Variants in NTM observed in about 807,000 individuals in gnomAD.
NTM encodes neurotrimin.
Under a neutral mutation model 42.1 loss-of-function variants are expected in NTM, and 13 were observed. The ratio of observed to expected loss-of-function variants is 0.31; its 90% CI spans 0.20 to 0.49. NTM has a LOEUF of 0.49. Ranked by LOEUF, NTM falls within the 20% of genes least tolerant of loss-of-function variation. NTM has a pLI of 0.99. For synonymous variants in NTM, 187 were observed against 179.2 expected (o/e 1.04, Z -0.35); for missense variants, 373 against 452.8 (o/e 0.82, Z 1.60).
intron 2 of NTM, among the ~76,000 whole-genome samples, chr11:131,927,564 T>C (rs545570696): frequency 6.6e-6 from 1 of 152,244 alleles, no homozygotes; most frequent in South Asian, 2.1e-4. Context: ...GGAAGCCACA[T>C]GCACTTGACT....
intron 1 of NTM, among the ~76,000 whole-genome samples, chr11:131,503,478 G>T (rs1338956513): frequency 6.6e-6 from 1 of 152,102 alleles, no homozygotes; most frequent in Non-Finnish European, 1.5e-5. Flanking sequence ...CAGGAAAACG[G>T]ACTGGGATCA....
At chr11:131,407,348 C>T (rs1283275903) in intron 1 of NTM, among the ~76,000 whole-genome samples, 1 of 152,198 alleles carries the variant, frequency 6.6e-6, no homozygotes, top group Non-Finnish European at 1.5e-5. Flanking sequence ...TGGCACTGTC[C>T]TTTGCTTGTC....
chr11:131,563,695 C>T (rs1395290579), intron 1 of NTM, among the ~76,000 whole-genome samples: 1 of 151,132 alleles, frequency 6.6e-6, no homozygotes, highest in Non-Finnish European at 1.5e-5. Context: ...GGCACCCTCT[C>T]TCTTAAAAGT....
intron 3 of NTM, among the ~76,000 whole-genome samples, chr11:132,208,544 G>A (rs2082336495): frequency 6.6e-6 from 1 of 152,180 alleles, no homozygotes; most frequent in Non-Finnish European, 1.5e-5. Flanking sequence ...ATTCTTCCAA[G>A]CATGAGGTGC....
chr11:132,117,323 A>G (rs973097487), intron 2 of NTM, among the ~76,000 whole-genome samples: 17 of 152,158 alleles, frequency 1.1e-4, no homozygotes, highest in African/African-American at 4.1e-4. Flanking sequence ...AAAGGTTAGA[A>G]AAGTGTGTCA....
chr11:131,773,381 A>G (rs77546657), intron 1 of NTM, among the ~76,000 whole-genome samples: 2 of 152,378 alleles, frequency 1.3e-5, no homozygotes, highest in African/African-American at 4.8e-5. Context: ...GTTGAGAGTG[A>G]CACATATGTT....
intron 1 of NTM, among the ~76,000 whole-genome samples, chr11:131,482,295 C>T (rs1257317141): frequency 6.6e-6 from 1 of 152,224 alleles, no homozygotes; most frequent in Admixed American, 6.5e-5. Flanking sequence ...ATTCCCCCCA[C>T]CCATCACAAT....
intron 2 of NTM, among the ~76,000 whole-genome samples, chr11:131,915,132 G>GACA (rs1056266104): frequency 4.6e-5 from 7 of 152,198 alleles, no homozygotes; most frequent in African/African-American, 1.7e-4. Context: ...CTCTGAAATA[G>GACA]ACAATTATTC....
chr11:132,197,906 C>T (rs2080525216), intron 3 of NTM, among the ~76,000 whole-genome samples: 2 of 152,038 alleles, frequency 1.3e-5, no homozygotes, highest in Non-Finnish European at 2.9e-5. Context: ...CATTGTTGGA[C>T]ATTTGGATTG....
chr11:131,691,838 T>G (rs541739576), intron 1 of NTM, among the ~76,000 whole-genome samples: 1 of 152,218 alleles, frequency 6.6e-6, no homozygotes, highest in Non-Finnish European at 1.5e-5. Flanking sequence ...CTTTCGTGTG[T>G]CATGTTACTC....
intron 4 of NTM, among the ~76,000 whole-genome samples, chr11:132,272,154 G>T (rs2093510497): frequency 6.6e-6 from 1 of 152,036 alleles, no homozygotes. Flanking sequence ...GAACTGTTTT[G>T]ATACCCTTGC....
rs1251141680 is a variant in NTM at position 132,336,007 on chromosome 11, A to G, written c.*861A>G. 4.6e-5 allele frequency: 7 copies of G among 152,580 alleles called. No individual in the cohort carries two copies. The highest frequency in any genetic ancestry group is 8.8e-5 in the Non-Finnish European group (6 of 68,034). The allele number at this position is 152,580 out of a possible 1,614,324, so 9.5% of individuals were successfully genotyped here. On this transcript the variant is annotated 3_prime_UTR_variant, in exon 9 of 9. Transcript: ENST00000683400. Reference sequence around the variant, plus strand: ...ATTTGGCATATCCACCAAAAAATGCATCCGATTTAACCAACATCTCCACCA... The same window carrying G: ...ATTTGGCATATCCACCAAAAAATGCGTCCGATTTAACCAACATCTCCACCA...
At chr11:132,183,706 A>G (rs960845097) in intron 3 of NTM, among the ~76,000 whole-genome samples, 2 of 152,162 alleles carry the variant, frequency 1.3e-5, no homozygotes, top group African/African-American at 4.8e-5. Flanking sequence ...TAGACTCACC[A>G]ACTCCAAAAA....
chr11:131,856,168 TC>T (rs2046077272), intron 1 of NTM, among the ~76,000 whole-genome samples: 2 of 75,080 alleles, frequency 2.7e-5, no homozygotes, highest in Non-Finnish European at 4.9e-5. Flanking sequence ...TTCCTCATCA[TC>T]CTTTCTTTCA....
intron 1 of NTM, among the ~76,000 whole-genome samples, chr11:131,585,467 C>T (rs974761111): frequency 1.1e-4 from 16 of 152,138 alleles, no homozygotes; most frequent in African/African-American, 3.9e-4. Context: ...AGAGGGGACC[C>T]CCCAGCAGGA....
At chr11:131,499,799 C>A (rs749355781) in intron 1 of NTM, among the ~76,000 whole-genome samples, 1 of 152,244 alleles carries the variant, frequency 6.6e-6, no homozygotes, top group Non-Finnish European at 1.5e-5. Flanking sequence ...GGTTCCCCTT[C>A]ACCCGCGTCA....
intron 1 of NTM, among the ~76,000 whole-genome samples, chr11:131,608,210 T>A (rs1239084591): frequency 6.6e-6 from 1 of 152,204 alleles, no homozygotes; most frequent in African/African-American, 2.4e-5. Flanking sequence ...TCCATGTCCC[T>A]GCAAAGGACA....
intron 2 of NTM, among the ~76,000 whole-genome samples, chr11:132,045,768 G>T (rs564813828): frequency 1.3e-5 from 2 of 152,118 alleles, no homozygotes; most frequent in Non-Finnish European, 2.9e-5. Flanking sequence ...GGCACAGCAC[G>T]TGGGACATGG....
intron 1 of NTM, among the ~76,000 whole-genome samples, chr11:131,900,641 G>A (rs966659795): frequency 3.3e-5 from 5 of 152,090 alleles, no homozygotes; most frequent in African/African-American, 1.2e-4. Flanking sequence ...AAAAGACTGA[G>A]AGAGAGAAAG....
Sources: allele counts gnomAD v4.1 joint callset (sites outside exome capture counted in the v4.1 genomes callset), GRCh38; gene constraint gnomAD v4.1.1; transcripts MANE v1.5; gene names NCBI Gene and HGNC (gene_info 2026-07-23, HGNC 2026-07-21).